Variants in SPAG16 observed in about 807,000 individuals in gnomAD.
SPAG16 encodes the protein sperm associated antigen 16.
In SPAG16, 86 loss-of-function variants were observed where a neutral mutation model predicts 80.4. That is an observed-to-expected ratio of 1.07 (90% confidence interval 0.90 to 1.28). The LOEUF is 1.28. SPAG16 is among the 50% of genes most tolerant of loss of function. SPAG16 has a pLI of 0.00. For synonymous variants in SPAG16, 294 were observed against 265.9 expected, an observed-to-expected ratio of 1.11 and a Z score of -1.03; for missense variants, 870 against 765.3, an observed-to-expected ratio of 1.14 and a Z score of -1.61.
At chr2:213,791,398 C>A in intron 10 of SPAG16, among the ~76,000 whole-genome samples, 1 of 151,882 alleles carries the variant, frequency 6.6e-6, no homozygotes, top group Non-Finnish European at 1.5e-5. Flanking sequence ...AGTATAACTT[C>A]TTTTTTTATA....
chr2:214,399,240 T>C (rs1701574843), intron 15 of SPAG16, among the ~76,000 whole-genome samples: 1 of 152,176 alleles, frequency 6.6e-6, no homozygotes, highest in African/African-American at 2.4e-5. Context: ...GACCTTCGCA[T>C]TTGATATTGC....
At chr2:213,814,441 C>T (rs1444849934) in intron 10 of SPAG16, among the ~76,000 whole-genome samples, 1 of 152,152 alleles carries the variant, frequency 6.6e-6, no homozygotes, top group African/African-American at 2.4e-5. Context: ...GACAAGTTAA[C>T]ATGTAAAATT....
chr2:213,368,203 G>A (rs1300348346), intron 8 of SPAG16, among the ~76,000 whole-genome samples: 2 of 152,072 alleles, frequency 1.3e-5, no homozygotes, highest in African/African-American at 4.8e-5. Context: ...TTGTAGTATA[G>A]TTTGAAGTCA....
intron 10 of SPAG16, among the ~76,000 whole-genome samples, chr2:213,767,608 A>G (rs778199561): frequency 2.2e-4 from 34 of 151,790 alleles, no homozygotes; most frequent in Non-Finnish European, 4.0e-4. Flanking sequence ...AGCCTGGGCA[A>G]TGGAGTGAGA....
intron 10 of SPAG16, among the ~76,000 whole-genome samples, chr2:213,643,405 T>C (rs1477894446): frequency 1.1e-5 from 1 of 90,370 alleles, no homozygotes; most frequent in Non-Finnish European, 2.2e-5. Flanking sequence ...TATATATATA[T>C]ATATATTTTA....
At chr2:214,211,174 A>T (rs543308373) in intron 15 of SPAG16, among the ~76,000 whole-genome samples, 1 of 152,172 alleles carries the variant, frequency 6.6e-6, no homozygotes, top group South Asian at 2.1e-4. Context: ...GGCAAAAAAA[A>T]ATTCCCTACA....
chr2:214,084,436 A>G (rs1198334764), intron 13 of SPAG16, among the ~76,000 whole-genome samples: 2 of 152,176 alleles, frequency 1.3e-5, no homozygotes, highest in South Asian at 2.1e-4. Flanking sequence ...CTCACACCTT[A>G]CAACATGAAC....
intron 10 of SPAG16, among the ~76,000 whole-genome samples, chr2:213,768,151 G>C (rs530018614): frequency 8.6e-4 from 131 of 152,240 alleles, no homozygotes; most frequent in African/African-American, 2.8e-3. Flanking sequence ...TACAGGTAAA[G>C]GTGTACTCTG....
intron 8 of SPAG16, among the ~76,000 whole-genome samples, chr2:213,368,969 A>T (rs1267569643): frequency 6.6e-6 from 1 of 152,098 alleles, no homozygotes; most frequent in African/African-American, 2.4e-5. Flanking sequence ...AATCAATATC[A>T]TGATAATGGC....
chr2:213,542,521 G>A (rs746245213), intron 10 of SPAG16, among the ~76,000 whole-genome samples: 5 of 151,958 alleles, frequency 3.3e-5, no homozygotes, highest in Non-Finnish European at 5.9e-5. Context: ...ATTACCACAA[G>A]TTTTTCAATT....
chr2:213,289,766 T>C (rs1354769591), intron 1 of SPAG16, among the ~76,000 whole-genome samples: 1 of 152,236 alleles, frequency 6.6e-6, no homozygotes, highest in African/African-American at 2.4e-5. Context: ...ACAAAATGAT[T>C]TCTGTCTATA....
chr2:213,875,654 A>G (rs980971594), intron 11 of SPAG16, among the ~76,000 whole-genome samples: 1 of 152,154 alleles, frequency 6.6e-6, no homozygotes. Context: ...CGGAATTGAG[A>G]TCCTCTGAGT....
chr2:214,251,277 GAA>G lies in SPAG16; in HGVS notation c.1720+102021_1720+102022del, dbSNP rs57878279. The stretch of plus-strand genomic sequence containing the variant: ...GCTACAGATTTACTTGTTGCAGAAA[GAA>G]AAAAAAAAAGTCACTGCAAAGCTAT... On this transcript the variant is annotated intron_variant, in intron 15 of 15. Transcript: ENST00000331683. Among the ~76,000 whole-genome samples, 441 of 146,270 alleles carry G rather than the reference GAA, an allele frequency of 3.0e-3. 3 individuals are homozygous for G. The highest frequency in any genetic ancestry group is 1.0e-2 in the African/African-American group (400 of 40,060).
At chr2:213,380,048 G>A (rs760234577) in intron 9 of SPAG16, among the ~76,000 whole-genome samples, 5 of 152,124 alleles carry the variant, frequency 3.3e-5, no homozygotes, top group South Asian at 2.1e-4. Context: ...GTCCATCCAC[G>A]TACCTCTTTC....
chr2:213,870,389 A>T (rs2075901024), intron 11 of SPAG16, among the ~76,000 whole-genome samples: 2 of 152,122 alleles, frequency 1.3e-5, no homozygotes, highest in African/African-American at 4.8e-5. Context: ...CTCTGAATTT[A>T]TGTATTATGT....
At chr2:213,623,783 T>C (rs2061865311) in intron 10 of SPAG16, among the ~76,000 whole-genome samples, 2 of 152,086 alleles carry the variant, frequency 1.3e-5, no homozygotes, top group Admixed American at 1.3e-4. Flanking sequence ...TTAATTATAA[T>C]CCAAGACATA....
chr2:213,762,785 A>G (rs2068731686), intron 10 of SPAG16, among the ~76,000 whole-genome samples: 1 of 152,152 alleles, frequency 6.6e-6, no homozygotes, highest in South Asian at 2.1e-4. Context: ...AATAAGTCGA[A>G]CTACACCAAA....
chr2:213,461,259 A>G (rs886661893), intron 9 of SPAG16, among the ~76,000 whole-genome samples: 5 of 152,206 alleles, frequency 3.3e-5, no homozygotes, highest in Non-Finnish European at 7.4e-5. Flanking sequence ...GAGGCAACAA[A>G]AAGGAAGAGG....
At chr2:213,449,654 G>A (rs1304746655) in intron 9 of SPAG16, among the ~76,000 whole-genome samples, 1 of 152,158 alleles carries the variant, frequency 6.6e-6, no homozygotes, top group Non-Finnish European at 1.5e-5. Flanking sequence ...CCAATAGATA[G>A]GAGGGTGAAG....
Sources: gnomAD v4.1 joint callset for allele counts (sites outside exome capture counted in the v4.1 genomes callset) on GRCh38, gnomAD v4.1.1 for gene constraint, MANE v1.5 for transcripts, NCBI Gene and HGNC (gene_info 2026-07-23, HGNC 2026-07-21) for gene names.